Variants in INTS6 observed in about 807,000 individuals in gnomAD.
INTS6 encodes the protein DEAD box protein.
Under a neutral mutation model 104.9 loss-of-function variants are expected in INTS6, and 16 were observed. The ratio of observed to expected loss-of-function variants is 0.15; its 90% CI spans 0.10 to 0.23. The LOEUF is 0.23. INTS6 is among the 10% of genes least tolerant of loss of function. The probability of loss-of-function intolerance (pLI) is 1.00; values close to 1 mark genes in which losing one functional copy is unlikely to be tolerated. For synonymous variants in INTS6, 324 were observed against 358.7 expected, an observed-to-expected ratio of 0.90 and a Z score of 1.09; for missense variants, 584 against 1,062.8, an observed-to-expected ratio of 0.55 and a Z score of 6.26.
intron 3 of INTS6, chr13:51,444,422 T>C (rs1952862965): frequency 6.6e-6 from 1 of 151,786 alleles, no homozygotes; most frequent in African/African-American, 2.4e-5. Flanking sequence ...GACTTTTGTA[T>C]TTAAGATTTG....
chr13:51,375,776 TGC>T (rs1955916634), intron 13 of INTS6, among the ~76,000 whole-genome samples: 1 of 146,682 alleles, frequency 6.8e-6, no homozygotes, highest in African/African-American at 2.6e-5. Flanking sequence ...TGCGCGCGCG[TGC>T]GCGCATGAAT....
rs754993293 is a variant in INTS6 at position 51,397,946 on chromosome 13, TA to T, written c.430-2464del. On this transcript the variant is annotated intron_variant, in intron 4 of 17. Transcript: ENST00000311234. Reference sequence around the variant, plus strand: ...CTGAATCTAGAATGAATTTCAAATGTAAAAAAAAAACCCCAGCAAGGTTCAC... The same window carrying T: ...CTGAATCTAGAATGAATTTCAAATGTAAAAAAAAACCCCAGCAAGGTTCAC... 2.9e-3 allele frequency among the ~76,000 whole-genome samples: 432 copies of T among 147,954 alleles called. 4 individuals are homozygous for T. The highest frequency in any genetic ancestry group is 3.9e-3 in the Non-Finnish European group (259 of 66,774).
the INTS6 span, among the ~76,000 whole-genome samples, chr13:51,343,350 T>C: frequency 6.6e-6 from 1 of 152,172 alleles, no homozygotes. Context: ...ATGAGAAGCT[T>C]GGGGTACGCC....
At chr13:51,417,452 CTTTT>C (rs34887995) in intron 4 of INTS6, among the ~76,000 whole-genome samples, 32 of 112,536 alleles carry the variant, frequency 2.8e-4, no homozygotes, top group Middle Eastern at 4.4e-3. Flanking sequence ...TAAGAAAATT[CTTTT>C]TTTTTTTTTT....
chr13:51,374,343 G>A lies in INTS6; in HGVS notation c.1969C>T (p.Arg657Cys), dbSNP rs1955873258. The part of the protein sequence containing the change: ...EPNMQGIPKR[R>C]RCMSPLLRGR... ...CTTAGTAGTGGAGACATACACCGAC[G>A]TCTTTTAGGGATCCCTTGCATATTT... The change falls in exon 15 of 18, where the codon CGT becomes TGT. Residue 657 changes from arginine (R) to cysteine (C), a missense_variant. Transcript: ENST00000311234. 1.2e-6 allele frequency: 2 copies of A among 1,614,030 alleles called. No individual in the cohort carries two copies. The highest frequency in any genetic ancestry group is 1.7e-5 in the Admixed American group (1 of 60,020).
chr13:51,436,740 ACT>A (rs1952697458), intron 3 of INTS6: 1 of 152,154 alleles, frequency 6.6e-6, no homozygotes, highest in Non-Finnish European at 1.5e-5. Flanking sequence ...GATAATATAA[ACT>A]CAATATATCT....
intron 3 of INTS6, chr13:51,440,986 T>C (rs756399858): frequency 2.6e-5 from 4 of 152,212 alleles, no homozygotes; most frequent in Non-Finnish European, 5.9e-5. Flanking sequence ...ATACTGGAGA[T>C]GATGATCATC....
intron 4 of INTS6, among the ~76,000 whole-genome samples, chr13:51,428,509 T>A (rs1490093075): frequency 1.3e-5 from 2 of 151,978 alleles, no homozygotes; most frequent in African/African-American, 4.8e-5. Flanking sequence ...GTATTTTTGG[T>A]AGAGACAGGG....
chr13:51,366,164 G>A (rs924565607), intron 17 of INTS6, among the ~76,000 whole-genome samples: 1 of 151,898 alleles, frequency 6.6e-6, no homozygotes, highest in African/African-American at 2.4e-5. Flanking sequence ...TTCAAGGGCT[G>A]CAAACACTCT....
chr13:51,448,073 T>C (rs376946744), intron 3 of INTS6: 1 of 152,090 alleles, frequency 6.6e-6, no homozygotes, highest in South Asian at 2.1e-4. Flanking sequence ...AAAATATACA[T>C]ATATATTGAT....
downstream of INTS6, among the ~76,000 whole-genome samples, chr13:51,351,964 T>C (rs534204388): frequency 1.3e-5 from 2 of 152,134 alleles, no homozygotes; most frequent in Non-Finnish European, 2.9e-5. Context: ...TCTAAGTTTA[T>C]TTCTGGACTT....
intron 4 of INTS6, among the ~76,000 whole-genome samples, chr13:51,428,267 T>C (rs1352332361): frequency 6.6e-6 from 1 of 151,994 alleles, no homozygotes; most frequent in East Asian, 1.9e-4. Flanking sequence ...AACTATTATG[T>C]GTCCTATTAA....
chr13:51,451,806 C>T (rs1314531378), intron 2 of INTS6, among the ~76,000 whole-genome samples, 172 bp downstream of exon 2: 1 of 148,172 alleles, frequency 6.7e-6, no homozygotes, highest in Admixed American at 6.7e-5. Context: ...CGCGCTAGGA[C>T]GCTGCCGAGC....
intron 4 of INTS6, among the ~76,000 whole-genome samples, chr13:51,419,748 T>C (rs1414784748): frequency 6.6e-6 from 1 of 152,222 alleles, no homozygotes; most frequent in East Asian, 1.9e-4. Context: ...GAATACTCTC[T>C]ACTAGTGGTG....
intron 4 of INTS6, among the ~76,000 whole-genome samples, chr13:51,406,692 T>C (rs1287253987): frequency 6.6e-6 from 1 of 152,102 alleles, no homozygotes; most frequent in Non-Finnish European, 1.5e-5. Flanking sequence ...TTTATATTAA[T>C]AATATTACTC....
intron 4 of INTS6, among the ~76,000 whole-genome samples, chr13:51,429,229 T>C (rs1298280785): frequency 6.6e-6 from 1 of 152,170 alleles, no homozygotes; most frequent in Non-Finnish European, 1.5e-5. Context: ...GAACTTAAAA[T>C]GTATACTTTT....
intron 3 of INTS6, chr13:51,436,536 ATC>A (rs1203158622): frequency 6.6e-6 from 1 of 152,196 alleles, no homozygotes; most frequent in Non-Finnish European, 1.5e-5. Flanking sequence ...AGTTCCATAT[ATC>A]TGTTTTAATG....
chr13:51,344,639 G>GGACA, the INTS6 span, among the ~76,000 whole-genome samples: 1 of 152,042 alleles, frequency 6.6e-6, no homozygotes, highest in Non-Finnish European at 1.5e-5. Flanking sequence ...AATGACAAGG[G>GGACA]GACACTAAGT....
At chr13:51,372,908 G>GT (rs1420053526) in intron 15 of INTS6, among the ~76,000 whole-genome samples, 2 of 152,200 alleles carry the variant, frequency 1.3e-5, no homozygotes, top group South Asian at 2.1e-4. Context: ...TCTCCAACAT[G>GT]TTTTCTGTTT....
Sources: gnomAD v4.1 joint callset for allele counts (sites outside exome capture counted in the v4.1 genomes callset) on GRCh38, gnomAD v4.1.1 for gene constraint, MANE v1.5 for transcripts, NCBI Gene and HGNC (gene_info 2026-07-23, HGNC 2026-07-21) for gene names.